Variants in PTPRB observed in about 807,000 individuals in gnomAD.
PTPRB encodes receptor-type tyrosine-protein phosphatase beta.
Under a neutral mutation model 238.1 loss-of-function variants are expected in PTPRB, and 97 were observed. The ratio of observed to expected loss-of-function variants is 0.41; its 90% CI spans 0.35 to 0.48. PTPRB has a LOEUF of 0.48. PTPRB is among the 20% of genes least tolerant of loss of function. The pLI, the probability that PTPRB is intolerant of heterozygous loss-of-function variation, is 0.30. For missense variants in PTPRB, 2,292 were observed against 2,681.9 expected, an observed-to-expected ratio of 0.85 and a Z score of 3.21; for synonymous variants, 970 against 995.4, an observed-to-expected ratio of 0.97 and a Z score of 0.48.
At chr12:70,538,559 TGG>T in intron 27 of PTPRB, 1 of 435,022 alleles carries the variant, frequency 2.3e-6, no homozygotes, top group Non-Finnish European at 4.1e-6. Flanking sequence ...CTTTACCTAA[TGG>T]GGTAAGGAAA....
intron 21 of PTPRB, among the ~76,000 whole-genome samples, chr12:70,550,087 A>G (rs191436845): frequency 4.6e-5 from 7 of 152,288 alleles, no homozygotes; most frequent in Admixed American, 6.5e-5. Context: ...GCCACTGTAA[A>G]TGTAGGATTA....
intron 3 of PTPRB, among the ~76,000 whole-genome samples, chr12:70,611,884 T>C (rs967191167): frequency 6.6e-6 from 1 of 152,228 alleles, no homozygotes; most frequent in African/African-American, 2.4e-5. Context: ...CTGGCATACC[T>C]GTCAGCCTCA....
Position 70,609,159 on chromosome 12 carries a change from C to T in PTPRB, c.889G>A (p.Gly297Arg), listed in dbSNP as rs1334317107. 6.8e-6 allele frequency: 11 copies of T among 1,613,878 alleles called. No individual in the cohort carries two copies. Among genetic ancestry groups the T allele is most frequent in the African/African-American group, 2.7e-5 (2 of 74,922 alleles). The change falls in exon 4 of 34, where the codon GGA (glycine) becomes AGA (arginine). Residue 297 changes from glycine (G) to arginine (R), a missense_variant. Coordinates refer to ENST00000334414, the MANE Select transcript of PTPRB (RefSeq NM_001109754.4). ...PTFRIDNTTYGCNLQDLQAGT... is the reference protein window; with the variant it reads ...PTFRIDNTTYRCNLQDLQAGT... ...GCTTGTAAATCTTGAAGGTTACATC[C>T]GTATGTGGTGTTGTCTATCCGAAAG...
Position 70,571,046 on chromosome 12 carries a change from G to A in PTPRB, c.3350C>T (p.Ala1117Val), listed in dbSNP as rs200854002. 2.0e-5 allele frequency: 33 copies of A among 1,613,956 alleles called. No individual in the cohort carries two copies. The highest frequency in any genetic ancestry group is 2.5e-5 in the Non-Finnish European group (30 of 1,179,872). The change falls in exon 13 of 34, where the codon GCC (alanine) becomes GTC (valine). Residue 1117 changes from alanine (A) to valine (V), a missense_variant. Physicochemically the swap from Ala to Val is moderately conservative, Grantham distance 64. Coordinates refer to ENST00000334414, the MANE Select transcript of PTPRB (RefSeq NM_001109754.4). ...ATTACCTGTGAAGCCCTCAATGAAGGCTGACTGCTGTACATCCCCGCTAAT... is the reference window on the plus strand; with the variant it reads ...ATTACCTGTGAAGCCCTCAATGAAGACTGACTGCTGTACATCCCCGCTAAT... ...LTISGDVQQS[A>V]FIEGFTVPSA...
At position 70,595,884 on chromosome 12, in the gene PTPRB, A is replaced by T. The variant is rs1592560408; in HGVS notation, c.1258+165T>A. Among the ~76,000 whole-genome samples, 5 of 152,308 alleles carry T rather than the reference A, an allele frequency of 3.3e-5. 1 individual carries two copies. The highest frequency in any genetic ancestry group is 3.3e-4 in the Admixed American group (5 of 15,304). On this transcript the variant is annotated intron_variant, in intron 5 of 33. Coordinates refer to ENST00000334414, the MANE Select transcript of PTPRB (RefSeq NM_001109754.4). ...CAGCATAGCCACGCATCCTATTTTC[A>T]GTCCAGTCTGTCCACTGTATCCCAC...
At chr12:70,566,145 T>A (rs1335575996) in intron 15 of PTPRB, among the ~76,000 whole-genome samples, 1 of 152,160 alleles carries the variant, frequency 6.6e-6, no homozygotes, top group Non-Finnish European at 1.5e-5. Flanking sequence ...GACTAGAAAA[T>A]AATAAATTTG....
chr12:70,546,160 A>G (rs961042318), intron 21 of PTPRB, among the ~76,000 whole-genome samples: 1 of 150,598 alleles, frequency 6.6e-6, no homozygotes, highest in African/African-American at 2.4e-5. Context: ...AAAATGACAG[A>G]CTGGTGAAGG....
At chr12:70,535,161 G>A (rs1480036523) in intron 29 of PTPRB, among the ~76,000 whole-genome samples, 2 of 151,382 alleles carry the variant, frequency 1.3e-5, no homozygotes, top group Admixed American at 6.6e-5. Context: ...CCTGTACAAG[G>A]AGCACCCCTG....
At position 70,518,991 on chromosome 12, in the gene PTPRB, T is replaced by A. The variant is rs894131190; in HGVS notation, c.*2498A>T. 26 of 151,560 alleles carry A rather than the reference T, an allele frequency of 1.7e-4. No individual in the cohort carries two copies. The highest frequency in any genetic ancestry group is 6.3e-4 in the African/African-American group (26 of 41,000). The allele number at this position is 151,560 out of a possible 1,614,324, so 9.4% of individuals were successfully genotyped here. On this transcript the variant is annotated 3_prime_UTR_variant, in exon 34 of 34. Coordinates refer to ENST00000334414, the MANE Select transcript of PTPRB (RefSeq NM_001109754.4). ...ATAGAGCTGAATGTCAAGGAAAACTTTTTTTTTCTCCTAAATTTAATAAAT... is the reference window on the plus strand; with the variant it reads ...ATAGAGCTGAATGTCAAGGAAAACTATTTTTTTCTCCTAAATTTAATAAAT...
chr12:70,596,804 G>C (rs1294540765), intron 4 of PTPRB, among the ~76,000 whole-genome samples: 1 of 152,014 alleles, frequency 6.6e-6, no homozygotes, highest in Admixed American at 6.6e-5. Flanking sequence ...ATGTAACTTT[G>C]GGTGGTTTTT....
chr12:70,521,647 T>C (rs1292777664), intron 33 of PTPRB, 136 bp from the exon 34 acceptor site: 6 of 639,302 alleles, frequency 9.4e-6, no homozygotes, highest in African/African-American at 3.8e-5. Flanking sequence ...ACCATTCCTA[T>C]TGGGACCAGG....
chr12:70,618,650 T>C (rs1446756039), intron 3 of PTPRB, among the ~76,000 whole-genome samples: 3 of 152,206 alleles, frequency 2.0e-5, no homozygotes, highest in African/African-American at 7.2e-5. Flanking sequence ...CTAGGGTCCA[T>C]ACTTGGCGAA....
intron 12 of PTPRB, 45 bp from the exon 13 acceptor site, chr12:70,571,334 G>C: frequency 1.3e-6 from 2 of 1,490,560 alleles, no homozygotes; most frequent in Non-Finnish European, 1.8e-6. Context: ...GAACTGATCA[G>C]AGTTTACCTA....
chr12:70,559,350 C>T lies in PTPRB; in HGVS notation c.4707G>A (p.Val1569=), dbSNP rs745367507. The change falls in exon 18 of 34, where the codon GTG becomes GTA. Residue 1569 remains valine (V), a synonymous_variant. Transcript: ENST00000334414. ...KTYSKPIFGS[V]RTKPDKIQNL... The stretch of plus-strand genomic sequence containing the variant: ...TAGCAAAACATGTCATACTTGTCCT[C>T]ACAGATCCAAAAATTGGTTTGCTGT... The T allele has an allele frequency of 1.2e-6, 2 of 1,611,952 alleles. No homozygotes were observed. Among genetic ancestry groups the T allele is most frequent in the Non-Finnish European group, 1.7e-6 (2 of 1,178,054 alleles).
chr12:70,590,923 A>G (rs959925273), intron 7 of PTPRB, among the ~76,000 whole-genome samples: 2 of 134,896 alleles, frequency 1.5e-5, no homozygotes, highest in Non-Finnish European at 3.2e-5. Flanking sequence ...ATTAAAGATC[A>G]TTTCTATTTC....
rs542910699 is a variant in PTPRB at position 70,615,214 on chromosome 12, ATCTT to A, written c.709-5879_709-5876del. Among the ~76,000 whole-genome samples, 1,163 of 152,340 alleles carry A rather than the reference ATCTT, an allele frequency of 7.6e-3. 8 individuals are homozygous for A. The highest frequency in any genetic ancestry group is 0.026 in the African/African-American group (1,088 of 41,578). ...TGACAAAGTTCATGACTGAGAACTCATCTTTCTGAGAACATCCAAATGACCGTAA... is the reference window on the plus strand; with the variant it reads ...TGACAAAGTTCATGACTGAGAACTCATCTGAGAACATCCAAATGACCGTAA... On this transcript the variant is annotated intron_variant, in intron 3 of 33. Transcript: ENST00000334414.
At chr12:70,616,526 G>A (rs1884687366) in intron 3 of PTPRB, among the ~76,000 whole-genome samples, 2 of 152,170 alleles carry the variant, frequency 1.3e-5, no homozygotes, top group Non-Finnish European at 2.9e-5. Context: ...TCACACAATA[G>A]GTGCTGAGGT....
intron 3 of PTPRB, among the ~76,000 whole-genome samples, chr12:70,618,861 T>C (rs539087882): frequency 6.6e-6 from 1 of 152,326 alleles, no homozygotes; most frequent in Non-Finnish European, 1.5e-5. Context: ...ATTCATTTAC[T>C]GCTCAGGGTT....
At chr12:70,630,907 C>T (rs1885421698) in intron 2 of PTPRB, among the ~76,000 whole-genome samples, 1 of 152,090 alleles carries the variant, frequency 6.6e-6, no homozygotes, top group Non-Finnish European at 1.5e-5. Context: ...AACTACAAAC[C>T]ACTGCTCAAC....
Sources: allele counts gnomAD v4.1 joint callset (sites outside exome capture counted in the v4.1 genomes callset), GRCh38; gene constraint gnomAD v4.1.1; transcripts MANE v1.5; gene names NCBI Gene and HGNC (gene_info 2026-07-23, HGNC 2026-07-21).